COL24A1: variants seen among roughly 807,000 people sequenced by gnomAD.
COL24A1 encodes collagen alpha-1(XXIV) chain.
A neutral mutation model predicts 253.9 loss-of-function variants in COL24A1; 224 were observed. That is an observed-to-expected ratio of 0.88 (90% CI 0.79 to 0.99). The LOEUF is 0.99. COL24A1 is among the 50% of genes least tolerant of loss of function. The pLI, the probability that COL24A1 is intolerant of heterozygous loss-of-function variation, is 0.00. For missense variants in COL24A1, 2,131 were observed against 2,068.5 expected (o/e 1.03, Z -0.59); for synonymous variants, 685 against 673.7 (o/e 1.02, Z -0.26).
At chr1:85,762,479 A>G (rs1322987324) in intron 53 of COL24A1, among the ~76,000 whole-genome samples, 1 of 152,160 alleles carries the variant, frequency 6.6e-6, no homozygotes, top group Non-Finnish European at 1.5e-5. Flanking sequence ...GAATGTACAA[A>G]ACTTGTACAT....
At chr1:85,767,099 G>A (rs1046617963) in intron 53 of COL24A1, among the ~76,000 whole-genome samples, 8 of 87,614 alleles carry the variant, frequency 9.1e-5, no homozygotes, top group South Asian at 4.0e-4. Flanking sequence ...GTGAGACTCC[G>A]TCTCAATAAT....
At chr1:85,957,160 G>A (rs752437527) in intron 24 of COL24A1, among the ~76,000 whole-genome samples, 3 of 152,076 alleles carry the variant, frequency 2.0e-5, no homozygotes, top group Non-Finnish European at 4.4e-5. Flanking sequence ...TGGACACCAC[G>A]AGGGGAACAT....
intron 8 of COL24A1, among the ~76,000 whole-genome samples, chr1:86,059,904 T>C (rs915752816): frequency 7.9e-5 from 12 of 152,250 alleles, no homozygotes; most frequent in Middle Eastern, 3.4e-3. Context: ...ATCCAAAAGA[T>C]AGCCCCCACC....
At chr1:86,154,712 A>T (rs1653260261) in intron 1 of COL24A1, 1 of 152,724 alleles carries the variant, frequency 6.5e-6, no homozygotes, top group South Asian at 2.1e-4. Flanking sequence ...GTGGTTGGTC[A>T]CAACTACCAA....
chr1:85,903,349 G>A (rs760662359), intron 28 of COL24A1, among the ~76,000 whole-genome samples: 1 of 152,140 alleles, frequency 6.6e-6, no homozygotes. Flanking sequence ...TGAAAGCTTA[G>A]CTTTATCAAC....
chr1:86,119,128 C>T (rs372559615), intron 3 of COL24A1, among the ~76,000 whole-genome samples: 8 of 152,176 alleles, frequency 5.3e-5, no homozygotes, highest in South Asian at 2.1e-4. Context: ...ACTACTCTCC[C>T]TCCCTCAAAA....
intron 47 of COL24A1, among the ~76,000 whole-genome samples, chr1:85,800,577 A>T (rs1671322621): frequency 1.3e-5 from 2 of 152,330 alleles, no homozygotes; most frequent in South Asian, 4.1e-4. Flanking sequence ...TCAGGTTTGG[A>T]AAATGAGCAG....
At chr1:85,899,872 G>A (rs909656150) in intron 28 of COL24A1, among the ~76,000 whole-genome samples, 1 of 152,104 alleles carries the variant, frequency 6.6e-6, no homozygotes, top group South Asian at 2.1e-4. Flanking sequence ...GTCTGTAGAT[G>A]TTAGGTGAGT....
intron 37 of COL24A1, among the ~76,000 whole-genome samples, chr1:85,861,608 G>T (rs1417313242): frequency 6.6e-6 from 1 of 152,080 alleles, no homozygotes; most frequent in Non-Finnish European, 1.5e-5. Context: ...TTTTGCATGT[G>T]GTTATCCAGT....
chr1:86,056,768 C>T lies in COL24A1; in HGVS notation c.1851+1163G>A, dbSNP rs146222344. ...ACTTGGAAGGCTGAGGCAGGAGAAT[C>T]GCTTGGACCCGGGAGGCAGAGGTTG... On this transcript the variant is annotated intron_variant, in intron 10 of 59. Coordinates refer to ENST00000370571, the MANE Select transcript of COL24A1 (RefSeq NM_152890.7). Among the ~76,000 whole-genome samples the T allele has an allele frequency of 2.6e-3, 397 of 151,518 alleles. 10 individuals are homozygous for T. The East Asian group carries it at 0.046, about 17-fold the overall frequency.
At chr1:85,732,497 G>A (rs1363601148) in intron 59 of COL24A1, among the ~76,000 whole-genome samples, 2 of 151,340 alleles carry the variant, frequency 1.3e-5, no homozygotes, top group Non-Finnish European at 2.9e-5. Context: ...CCAAAGTGCT[G>A]GGATTACAGG....
intron 1 of COL24A1, chr1:86,155,669 G>A (rs1025125290): frequency 7.2e-5 from 11 of 152,248 alleles, no homozygotes; most frequent in South Asian, 6.2e-4. Context: ...CCCAGTCCCC[G>A]CCGCGAGTGC....
rs1688371355 is a variant in COL24A1 at position 85,937,866 on chromosome 1, G to C, written c.2562+23383C>G. On this transcript the variant is annotated intron_variant, in intron 24 of 59. Transcript: ENST00000370571. ...AAATGGGTGGCCTTCCCCACACTGA[G>C]GCCTCAATTAGTACCAGTATTTAGT... is the stretch of plus-strand genomic sequence containing the variant. Among the ~76,000 whole-genome samples, 2 of 147,354 alleles carry C rather than the reference G, an allele frequency of 1.4e-5. 1 individual carries two copies. Among genetic ancestry groups the C allele is most frequent in the African/African-American group, 5.0e-5 (2 of 40,114 alleles).
chr1:85,992,380 C>T (rs1476744037), intron 19 of COL24A1, among the ~76,000 whole-genome samples: 1 of 152,130 alleles, frequency 6.6e-6, no homozygotes, highest in African/African-American at 2.4e-5. Context: ...AGAAACTTTT[C>T]ATTATTTTAA....
At chr1:85,898,558 A>G (rs1683986400) in intron 28 of COL24A1, among the ~76,000 whole-genome samples, 1 of 152,216 alleles carries the variant, frequency 6.6e-6, no homozygotes, top group Non-Finnish European at 1.5e-5. Context: ...AAACTGAACT[A>G]CAGTCTTACT....
At chr1:85,777,763 C>G (rs1668706281) in intron 52 of COL24A1, among the ~76,000 whole-genome samples, 1 of 152,112 alleles carries the variant, frequency 6.6e-6, no homozygotes. Flanking sequence ...CACATTTTTA[C>G]CAGTGATCAA....
At chr1:86,049,176 T>C (rs1419153221) in intron 11 of COL24A1, among the ~76,000 whole-genome samples, 1 of 152,204 alleles carries the variant, frequency 6.6e-6, no homozygotes, top group Non-Finnish European at 1.5e-5. Flanking sequence ...ACTTGCTATG[T>C]TCACCAGGGG....
At chr1:85,911,356 A>G (rs1320138107) in intron 25 of COL24A1, 24 bp downstream of exon 25, 1 of 1,599,342 alleles carries the variant, frequency 6.3e-7, no homozygotes, top group East Asian at 2.2e-5. Flanking sequence ...TTCCTATAAA[A>G]CAAAATAATT....
At chr1:86,014,221 C>T (rs969450935) in intron 19 of COL24A1, among the ~76,000 whole-genome samples, 18 of 152,176 alleles carry the variant, frequency 1.2e-4, no homozygotes, top group Non-Finnish European at 2.5e-4. Context: ...TAAATATTTT[C>T]TAATTTCCAT....
Sources: gnomAD v4.1 joint callset for allele counts (sites outside exome capture counted in the v4.1 genomes callset) on GRCh38, gnomAD v4.1.1 for gene constraint, MANE v1.5 for transcripts, NCBI Gene and HGNC (gene_info 2026-07-23, HGNC 2026-07-21) for gene names.